LYVE1: variants seen among roughly 807,000 people sequenced by gnomAD.
LYVE1 encodes lymphatic vessel endothelial hyaluronic acid receptor 1.
In LYVE1, 29 loss-of-function variants were observed where a neutral mutation model predicts 31.5. That is an observed-to-expected ratio of 0.92 (90% CI 0.69 to 1.26). LYVE1 has a LOEUF of 1.26. LYVE1 is among the 50% of genes most tolerant of loss of function. The probability of loss-of-function intolerance (pLI) is 0.00; values close to 1 mark genes in which losing one functional copy is unlikely to be tolerated. For synonymous variants in LYVE1, 134 were observed against 139.4 expected (o/e 0.96, Z 0.27); for missense variants, 376 against 380.2 (o/e 0.99, Z 0.09).
chr11:10,560,406 G>T, intron 4 of LYVE1, 89 bp downstream of exon 4: 2 of 1,140,324 alleles, frequency 1.8e-6, no homozygotes, highest in Non-Finnish European at 2.5e-6. Flanking sequence ...GGTCCTGAGC[G>T]CCTCATCTAA....
chr11:10,565,197 C>T (rs1489580051), intron 1 of LYVE1, among the ~76,000 whole-genome samples: 1 of 152,164 alleles, frequency 6.6e-6, no homozygotes, highest in Non-Finnish European at 1.5e-5. Context: ...CTTAATAAAT[C>T]CACATAACAT....
intron 3 of LYVE1, among the ~76,000 whole-genome samples, chr11:10,563,304 T>A (rs1850469850): frequency 6.6e-6 from 1 of 152,108 alleles, no homozygotes; most frequent in African/African-American, 2.4e-5. Flanking sequence ...CTCATAGGGA[T>A]CTGTAGATTC....
rs377222811 is a variant in LYVE1 at position 10,568,462 on chromosome 11, G to A, written c.71C>T (p.Ser24Phe). Residue 24 changes from serine (S) to phenylalanine (F), a missense_variant, in exon 1 of 6, where the codon TCT becomes TTT. Physicochemically the swap from Ser to Phe is radical, Grantham distance 155 (BLOSUM62 -2). Coordinates refer to ENST00000256178, the MANE Select transcript of LYVE1 (RefSeq NM_006691.4). ...IWTTRLLVQG[S>F]LRAEELSIQV... ...GAGAAACCTACCTTCTGCACGCAAA[G>A]AGCCTTGGACCAGGAGCCTCGTGGT... 1 of 1,613,842 alleles carries A rather than the reference G, an allele frequency of 6.2e-7. No homozygotes were observed. Among genetic ancestry groups the A allele is most frequent in the African/African-American group, 1.3e-5 (1 of 74,920 alleles).
At chr11:10,566,971 G>A (rs1850556214) in intron 1 of LYVE1, among the ~76,000 whole-genome samples, 1 of 152,190 alleles carries the variant, frequency 6.6e-6, no homozygotes, top group Non-Finnish European at 1.5e-5. Context: ...CCTTCCTTAA[G>A]ATTTCTCAGG....
Position 10,557,342 on chromosome 11 carries a change from G to A in LYVE1, c.*1769C>T, listed in dbSNP as rs1447741144. ...TTCCAGATCTTTCCATTTTTAGAGG[G>A]AACCCAGAAATGTAACCATGTGAAA... On this transcript the variant is annotated 3_prime_UTR_variant, in exon 6 of 6. Transcript: ENST00000256178. 6.6e-6 allele frequency: 1 copy of A among 152,174 alleles called. No individual in the cohort carries two copies. Among genetic ancestry groups the A allele is most frequent in the Non-Finnish European group, 1.5e-5 (1 of 68,042 alleles). 9.4% of individuals were successfully genotyped at this position (152,174 alleles called of 1,614,324 possible).
At position 10,564,084 on chromosome 11, in the gene LYVE1, A is replaced by G. The variant is rs147159141; in HGVS notation, c.258-5T>C. The G allele has an allele frequency of 1.2e-6, 2 of 1,614,230 alleles. No homozygotes were observed. The highest frequency in any genetic ancestry group is 4.5e-5 in the East Asian group (2 of 44,890). On this transcript the variant is annotated splice_region_variant and splice_polypyrimidine_tract_variant and intron_variant, in intron 2 of 5. Coordinates refer to ENST00000256178, the MANE Select transcript of LYVE1 (RefSeq NM_006691.4). ...CCATCTCCAACCCAGCCATAGCTGT[A>G]AAAGAATACACACTAGTTGAACAGA...
In LYVE1 at chr11:10,560,811, A is replaced by AG; in HGVS notation, c.398-12dup. 6.3e-7 allele frequency: 1 copy of AG among 1,595,666 alleles called. No homozygotes were observed. The highest frequency in any genetic ancestry group is 8.6e-7 in the Non-Finnish European group (1 of 1,167,250). On this transcript the variant is annotated splice_polypyrimidine_tract_variant and intron_variant, in intron 3 of 5. Transcript: ENST00000256178. ...AGTTAGTCCAAGTATCTGTTGGGATAGGGAAACATGGAATAAAAGTATTGC... is the reference window on the plus strand; with the variant it reads ...AGTTAGTCCAAGTATCTGTTGGGATAGGGGAAACATGGAATAAAAGTATTGC...
Position 10,559,210 on chromosome 11 carries a change from A to G in LYVE1, c.870T>C (p.Asp290=), listed in dbSNP as rs1473153167. 15 of 1,614,050 alleles carry G rather than the reference A, an allele frequency of 9.3e-6. No individual in the cohort carries two copies. Among genetic ancestry groups the G allele is most frequent in the Non-Finnish European group, 1.0e-5 (12 of 1,179,968 alleles). Residue 290 remains aspartate (D), a synonymous_variant, in exon 6 of 6, where the codon GAT becomes GAC. Transcript: ENST00000256178. ...TCTTTGATTCCTCATTAGGGTTGCTATCATTGGCCTTCTCCTCCTTTACTA... is the reference window on the plus strand; with the variant it reads ...TCTTTGATTCCTCATTAGGGTTGCTGTCATTGGCCTTCTCCTCCTTTACTA... ...TKVVKEEKAN[D]SNPNEESKKT...
intron 3 of LYVE1, among the ~76,000 whole-genome samples, chr11:10,562,694 T>G (rs935601180): frequency 6.6e-6 from 1 of 152,168 alleles, no homozygotes; most frequent in African/African-American, 2.4e-5. Flanking sequence ...AGTACTTAGG[T>G]GAAGCACTTG....
Position 10,568,486 on chromosome 11 carries a change from G to A in LYVE1, c.47C>T (p.Thr16Ile). Residue 16 changes from threonine (T) to isoleucine (I), a missense_variant, in exon 1 of 6, where the codon ACC (threonine) becomes ATC (isoleucine). Physicochemically the swap from Thr to Ile is moderately conservative, Grantham distance 89. Transcript: ENST00000256178. ...AGAGCCTTGGACCAGGAGCCTCGTGGTCCAGATGGAAGTGAGAAGCAACAC... is the reference window on the plus strand; with the variant it reads ...AGAGCCTTGGACCAGGAGCCTCGTGATCCAGATGGAAGTGAGAAGCAACAC... Reference protein sequence around the residue: ...SLVLLLTSIWTTRLLVQGSLR... With the variant: ...SLVLLLTSIWITRLLVQGSLR... The A allele has an allele frequency of 2.5e-6, 4 of 1,614,080 alleles. 1 individual carries two copies. The South Asian group carries it at 4.4e-5, about 18-fold the overall frequency.
At chr11:10,559,438 A>G (rs1850372617) in intron 5 of LYVE1, 141 bp from the exon 6 acceptor site, 1 of 637,150 alleles carries the variant, frequency 1.6e-6, no homozygotes, top group African/African-American at 1.8e-5. Flanking sequence ...GCTCTAATAC[A>G]TTAAGACATC....
chr11:10,566,683 A>G (rs1489845391), intron 1 of LYVE1, among the ~76,000 whole-genome samples: 1 of 152,172 alleles, frequency 6.6e-6, no homozygotes, highest in Non-Finnish European at 1.5e-5. Context: ...TATTATTTAG[A>G]GGAGTGATAG....
In LYVE1 at chr11:10,564,054, C is replaced by T. The variant is rs139582089; in HGVS notation, c.283G>A (p.Val95Met). 2.0e-4 allele frequency: 319 copies of T among 1,614,194 alleles called. No individual in the cohort carries two copies. Among genetic ancestry groups the T allele is most frequent in the South Asian group, 7.5e-4 (68 of 91,084 alleles). Residue 95 changes from valine (V) to methionine (M), a missense_variant, in exon 3 of 6, where the codon GTG becomes ATG. Physicochemically the swap from Val to Met is conservative, Grantham distance 21. Transcript: ENST00000256178. The stretch of plus-strand genomic sequence containing the variant: ...TTTGGGCTAATCCTAGAGATGACCA[C>T]GAATCCATCTCCAACCCAGCCATAG... ...CSYGWVGDGF[V>M]VISRISPNPK... is the part of the protein sequence containing the mutation.
At chr11:10,559,945 G>T in intron 4 of LYVE1, 51 bp from the exon 5 acceptor site, 2 of 1,298,240 alleles carry the variant, frequency 1.5e-6, no homozygotes, top group Non-Finnish European at 2.2e-6. Flanking sequence ...AACATTGTGT[G>T]TAATGCTCAT....
chr11:10,565,806 C>T (rs1017690999), intron 1 of LYVE1, among the ~76,000 whole-genome samples: 4 of 151,828 alleles, frequency 2.6e-5, no homozygotes, highest in Non-Finnish European at 4.4e-5. Context: ...CAAGCAAGAA[C>T]CCCAGTTCTT....
At chr11:10,560,418 G>T (rs1850397455) in intron 4 of LYVE1, 77 bp downstream of exon 4, 7 of 1,315,090 alleles carry the variant, frequency 5.3e-6, no homozygotes, top group Non-Finnish European at 7.2e-6. Flanking sequence ...CTCATCTAAA[G>T]ACAGGCAGGA....
In LYVE1 at chr11:10,560,600, T is replaced by TC. The variant is rs1185760122; in HGVS notation, c.597dup (p.Ile200AspfsTer11). 6.2e-7 allele frequency: 1 copy of TC among 1,613,998 alleles called. No individual in the cohort carries two copies. Among genetic ancestry groups the TC allele is most frequent in the Non-Finnish European group, 8.5e-7 (1 of 1,179,998 alleles). On this transcript the variant is annotated frameshift_variant, in exon 4 of 6. Transcript: ENST00000256178. LOFTEE classifies it high-confidence loss of function. ...TCCATAAAAACTTCTGTGACACAAA[T>TC]CAATTTTTTTCTCCGTGGAATAGAA...
At chr11:10,567,748 A>G (rs1296923532) in intron 1 of LYVE1, among the ~76,000 whole-genome samples, 4 of 152,238 alleles carry the variant, frequency 2.6e-5, no homozygotes, top group Admixed American at 6.5e-5. Context: ...TTCCTTTAGT[A>G]GACAGCCGAT....
rs766130151 is a variant in LYVE1, at chr11:10,568,533, C to T, written c.-1G>A. On this transcript the variant is annotated 5_prime_UTR_variant, in exon 1 of 6. Transcript: ENST00000256178. ...ACACCAGGCTGAAGCACCTGGCCATCGTGCCTACCCCTTCAGAGCCAGGGA... is the reference window on the plus strand; with the variant it reads ...ACACCAGGCTGAAGCACCTGGCCATTGTGCCTACCCCTTCAGAGCCAGGGA... 5.0e-6 allele frequency: 8 copies of T among 1,613,426 alleles called. No individual in the cohort carries two copies. Among genetic ancestry groups the T allele is most frequent in the African/African-American group, 1.3e-5 (1 of 75,048 alleles).
Sources: gnomAD v4.1 joint callset for allele counts (sites outside exome capture counted in the v4.1 genomes callset) on GRCh38, gnomAD v4.1.1 for gene constraint, MANE v1.5 for transcripts, NCBI Gene and HGNC (gene_info 2026-07-23, HGNC 2026-07-21) for gene names.